Variants in MAP2K5 observed in about 807,000 individuals in gnomAD.
The protein encoded by MAP2K5 is dual specificity mitogen-activated protein kinase kinase 5.
MAP2K5 carries 49 observed loss-of-function variants against 83.1 expected under a neutral mutation model. The ratio of observed to expected loss-of-function variants is 0.59; its 90% confidence interval spans 0.47 to 0.75. MAP2K5 has a LOEUF of 0.75. Among genes scored for constraint, MAP2K5 ranks in the 30% least tolerant of loss-of-function variants. The pLI, the probability that MAP2K5 is intolerant of heterozygous loss-of-function variation, is 0.00. For synonymous variants in MAP2K5, 202 were observed against 191.8 expected (o/e 1.05, Z -0.44); for missense variants, 457 against 557.5 (o/e 0.82, Z 1.82).
At position 67,677,002 on chromosome 15, in the gene MAP2K5, A is replaced by C. The variant is rs1191939693; in HGVS notation, c.847+12357A>C. On this transcript the variant is annotated intron_variant, in intron 13 of 21. Coordinates refer to ENST00000178640, the MANE Select transcript of MAP2K5 (RefSeq NM_145160.3). This position sits in a 1 kb window ranked among gnomAD's most constrained non-coding sequence, Gnocchi z 4.2. Reference sequence around the variant, plus strand: ...TTATTATGTCAAATAATTATTTCTCAAGAAAAGAAGCAAGAGGTTAAATGA... The same window carrying C: ...TTATTATGTCAAATAATTATTTCTCCAGAAAAGAAGCAAGAGGTTAAATGA... Among the ~76,000 whole-genome samples, 1 of 152,226 alleles carries C rather than the reference A, an allele frequency of 6.6e-6. No homozygotes were observed. Among genetic ancestry groups the C allele is most frequent in the Non-Finnish European group, 1.5e-5 (1 of 68,038 alleles).
rs1252676665 is a variant in MAP2K5, at chr15:67,793,938, C to T, written c.1243-12708C>T. Among the ~76,000 whole-genome samples the T allele has an allele frequency of 6.6e-6, 1 of 152,192 alleles. No individual in the cohort carries two copies. Among genetic ancestry groups the T allele is most frequent in the East Asian group, 1.9e-4 (1 of 5,200 alleles). On this transcript the variant is annotated intron_variant, in intron 21 of 21. Transcript: ENST00000178640. This position sits in a 1 kb window ranked among gnomAD's most constrained non-coding sequence, Gnocchi z 4.6. ...CTTAGATCTAGGCACATAGAAACCG[C>T]TCCACACATCCATAGTGAATCTTAT...
At chr15:67,699,280 A>G (rs1396648484) in intron 15 of MAP2K5, among the ~76,000 whole-genome samples, 1 of 152,094 alleles carries the variant, frequency 6.6e-6, no homozygotes, top group African/African-American at 2.4e-5. Context: ...ATTTGCCTGA[A>G]TCACAGTCAG....
At chr15:67,591,560 A>G (rs1461036871) in intron 6 of MAP2K5, among the ~76,000 whole-genome samples, 16 of 150,824 alleles carry the variant, frequency 1.1e-4, no homozygotes, top group Non-Finnish European at 4.4e-5. Context: ...TAGTAGAGAC[A>G]GGGTTTCACC....
At chr15:67,607,147 C>T (rs1318868336) in intron 8 of MAP2K5, among the ~76,000 whole-genome samples, 1 of 152,190 alleles carries the variant, frequency 6.6e-6, no homozygotes, top group African/African-American at 2.4e-5. Flanking sequence ...AATTTCTAAT[C>T]ACTTAAGGAG....
chr15:67,654,462 CA>C (rs779689476), intron 11 of MAP2K5, among the ~76,000 whole-genome samples: 1 of 151,944 alleles, frequency 6.6e-6, no homozygotes, highest in Non-Finnish European at 1.5e-5. Flanking sequence ...ATAGTTGGAT[CA>C]TTTTTTTAAA....
At chr15:67,673,367 A>G (rs1200016112) in intron 13 of MAP2K5, among the ~76,000 whole-genome samples, 1 of 152,134 alleles carries the variant, frequency 6.6e-6, no homozygotes, top group Non-Finnish European at 1.5e-5. Flanking sequence ...GGTAAATGTT[A>G]TATATTTGAT....
chr15:67,801,792 G>A lies in MAP2K5; in HGVS notation c.1243-4854G>A, dbSNP rs2090711277. Among the ~76,000 whole-genome samples the A allele has an allele frequency of 6.6e-6, 1 of 152,220 alleles. No individual in the cohort carries two copies. Among genetic ancestry groups the A allele is most frequent in the Admixed American group, 6.5e-5 (1 of 15,296 alleles). On this transcript the variant is annotated intron_variant, in intron 21 of 21. Coordinates refer to ENST00000178640, the MANE Select transcript of MAP2K5 (RefSeq NM_145160.3). This position sits in a 1 kb window ranked among gnomAD's most constrained non-coding sequence, Gnocchi z 4.8. ...ATATAGAAGTCACCTTTTCATGAGG[G>A]CCTACCACATGCAGGCATTGCACCA...
chr15:67,766,221 T>C (rs748193656), intron 19 of MAP2K5, among the ~76,000 whole-genome samples: 9 of 152,166 alleles, frequency 5.9e-5, no homozygotes, highest in Non-Finnish European at 8.8e-5. Context: ...AACTCTAAAG[T>C]TGATTTGAGA....
At chr15:67,681,606 A>G (rs939771438) in intron 13 of MAP2K5, among the ~76,000 whole-genome samples, 1 of 152,264 alleles carries the variant, frequency 6.6e-6, no homozygotes, top group African/African-American at 2.4e-5. Flanking sequence ...CCAAAATGAT[A>G]GTCATCTCTT....
In MAP2K5 at chr15:67,770,844, A is replaced by T. The variant is rs2090127628; in HGVS notation, c.1196+1181A>T. 6.6e-6 allele frequency among the ~76,000 whole-genome samples: 1 copy of T among 152,238 alleles called. No individual in the cohort carries two copies. Among genetic ancestry groups the T allele is most frequent in the African/African-American group, 2.4e-5 (1 of 41,458 alleles). ...ATGTCTCATGCAGTTTATATTCCAT[A>T]GAAAATATATGTGAGGAAGAAATTT... On this transcript the variant is annotated intron_variant, in intron 20 of 21. Coordinates refer to ENST00000178640, the MANE Select transcript of MAP2K5 (RefSeq NM_145160.3). The surrounding 1 kb of genome is among the most constrained non-coding windows in gnomAD (Gnocchi z 5.0).
rs1014928071 is a variant in MAP2K5, at chr15:67,750,617, C to G, written c.1134+2016C>G. ...TCGCTGAATTAGACTTTCTAGGGAT[C>G]GTGCCTAGAATCTACTAGTTTCTCG... On this transcript the variant is annotated intron_variant, in intron 19 of 21. Transcript: ENST00000178640. The surrounding 1 kb of genome is among the most constrained non-coding windows in gnomAD (Gnocchi z 4.2). Among the ~76,000 whole-genome samples the G allele has an allele frequency of 6.6e-6, 1 of 152,140 alleles. No homozygotes were observed. The highest frequency in any genetic ancestry group is 1.5e-5 in the Non-Finnish European group (1 of 68,012).
chr15:67,662,673 A>G (rs1032624846), intron 12 of MAP2K5, among the ~76,000 whole-genome samples: 3 of 152,150 alleles, frequency 2.0e-5, no homozygotes, highest in East Asian at 1.9e-4. Context: ...TTCCACATAG[A>G]AGGTAGTACT....
Position 67,717,720 on chromosome 15 carries a change from T to C in MAP2K5, c.1045-10196T>C, listed in dbSNP as rs2088860922. Among the ~76,000 whole-genome samples the C allele has an allele frequency of 6.6e-6, 1 of 152,208 alleles. No individual in the cohort carries two copies. The highest frequency in any genetic ancestry group is 6.5e-5 in the Admixed American group (1 of 15,282). On this transcript the variant is annotated intron_variant, in intron 16 of 21. Coordinates refer to ENST00000178640, the MANE Select transcript of MAP2K5 (RefSeq NM_145160.3). This position sits in a 1 kb window ranked among gnomAD's most constrained non-coding sequence, Gnocchi z 4.1. ...TTAAGGATGGAAGATCCAAGATGACTTCATATGCGTGTATGATGCTTTGGT... is the reference window on the plus strand; with the variant it reads ...TTAAGGATGGAAGATCCAAGATGACCTCATATGCGTGTATGATGCTTTGGT...
At chr15:67,664,695 C>A in intron 13 of MAP2K5, 50 bp downstream of exon 13, 1 of 1,212,932 alleles carries the variant, frequency 8.2e-7, no homozygotes, top group South Asian at 1.3e-5. Flanking sequence ...GGGGTTGGGT[C>A]TCTCCAGATA....
At chr15:67,672,507 T>G (rs986894726) in intron 13 of MAP2K5, among the ~76,000 whole-genome samples, 19 of 150,000 alleles carry the variant, frequency 1.3e-4, no homozygotes, top group African/African-American at 4.4e-4. Flanking sequence ...TTGATGGGGT[T>G]GTTTGTTTTT....
chr15:67,798,691 C>A (rs570068978), intron 21 of MAP2K5, among the ~76,000 whole-genome samples: 1 of 152,286 alleles, frequency 6.6e-6, no homozygotes, highest in Non-Finnish European at 1.5e-5. Context: ...TAGAGGTAAG[C>A]AATTTGCTGC....
rs541877741 is a variant in MAP2K5 at position 67,588,996 on chromosome 15, A to AT, written c.431+2090dup. On this transcript the variant is annotated intron_variant, in intron 6 of 21. Coordinates refer to ENST00000178640, the MANE Select transcript of MAP2K5 (RefSeq NM_145160.3). ...ATCCCTGATTAAGTGTTTTTTTTTT[A>AT]TTTTTTTAAATTTTTTTAATTTTTA... 8.1e-3 allele frequency among the ~76,000 whole-genome samples: 1,204 copies of AT among 149,538 alleles called. 41 individuals are homozygous for AT. The highest frequency in any genetic ancestry group is 0.062 in the Admixed American group (937 of 15,076).
chr15:67,702,034 C>T lies in MAP2K5; in HGVS notation c.973-1303C>T, dbSNP rs374194781. 8.5e-5 allele frequency among the ~76,000 whole-genome samples: 13 copies of T among 152,182 alleles called. No individual in the cohort carries two copies. The highest frequency in any genetic ancestry group is 3.1e-4 in the African/African-American group (13 of 41,462). Reference sequence around the variant, plus strand: ...CATTTGTAAACTGAGGGCAATAATACCTACTTTTGCAAAATCATTATGAAG... The same window carrying T: ...CATTTGTAAACTGAGGGCAATAATATCTACTTTTGCAAAATCATTATGAAG... On this transcript the variant is annotated intron_variant, in intron 15 of 21. Coordinates refer to ENST00000178640, the MANE Select transcript of MAP2K5 (RefSeq NM_145160.3). This position sits in a 1 kb window ranked among gnomAD's most constrained non-coding sequence, Gnocchi z 4.6.
chr15:67,776,916 C>A (rs1393024161), intron 21 of MAP2K5, among the ~76,000 whole-genome samples: 1 of 152,186 alleles, frequency 6.6e-6, no homozygotes, highest in Non-Finnish European at 1.5e-5. Flanking sequence ...GAGGGGGCAG[C>A]CCTTGACCAA....
Sources: gnomAD v4.1 joint callset for allele counts (sites outside exome capture counted in the v4.1 genomes callset) on GRCh38, gnomAD v4.1.1 for gene constraint, Gnocchi (gnomAD v3.1) non-coding constraint, MANE v1.5 for transcripts, NCBI Gene and HGNC (gene_info 2026-07-23, HGNC 2026-07-21) for gene names.